The following CFAP299 variants were observed in gnomAD, a reference collection of about 807,000 sequenced individuals.
CFAP299 encodes cilia- and flagella-associated protein 299.
In CFAP299, 21 loss-of-function variants were observed where a neutral mutation model predicts 27.0. The observed-to-expected ratio is 0.78, with a 90% CI of 0.55 to 1.12. CFAP299 has a LOEUF of 1.12. Ranked by LOEUF, CFAP299 falls within the 50% of genes most tolerant of loss-of-function variation. The pLI is 0.00. For synonymous variants in CFAP299, 104 were observed against 98.1 expected, an observed-to-expected ratio of 1.06 and a Z score of -0.36; for missense variants, 310 against 276.6, an observed-to-expected ratio of 1.12 and a Z score of -0.86.
At chr4:80,347,129 C>T (rs942990982) in intron 1 of CFAP299, among the ~76,000 whole-genome samples, 35 of 152,170 alleles carry the variant, frequency 2.3e-4, no homozygotes, top group Middle Eastern at 3.4e-3. Flanking sequence ...ATTTTGTATC[C>T]TGAGACTTTG....
intron 2 of CFAP299, among the ~76,000 whole-genome samples, chr4:80,516,024 T>C (rs568578161): frequency 3.4e-5 from 5 of 149,096 alleles, no homozygotes; most frequent in African/African-American, 9.8e-5. Context: ...TTTCTTTTTT[T>C]TTTTTTTTTT....
intron 3 of CFAP299, among the ~76,000 whole-genome samples, chr4:80,718,022 T>G (rs1722589962): frequency 6.6e-6 from 1 of 152,114 alleles, no homozygotes; most frequent in South Asian, 2.1e-4. Context: ...GTAATAATAA[T>G]GTCCTACTAA....
At chr4:80,755,915 G>A (rs1725211129) in intron 3 of CFAP299, among the ~76,000 whole-genome samples, 1 of 152,074 alleles carries the variant, frequency 6.6e-6, no homozygotes, top group South Asian at 2.1e-4. Flanking sequence ...AAATATTTGA[G>A]AGCTATAATA....
intron 2 of CFAP299, among the ~76,000 whole-genome samples, chr4:80,444,844 C>G (rs1410209080): frequency 6.6e-6 from 1 of 151,900 alleles, no homozygotes; most frequent in Non-Finnish European, 1.5e-5. Context: ...AAAAAACAAC[C>G]CCATCAACAA....
chr4:80,775,063 T>TA lies in CFAP299; in HGVS notation c.334-94923dup, dbSNP rs1405653843. On this transcript the variant is annotated intron_variant, in intron 3 of 5. Transcript: ENST00000358105. ...TAAAACTTAAAGTATAATAATAAAATAAAAAAATAAAAAAAAAAGAAAAAG... is the reference window on the plus strand; with the variant it reads ...TAAAACTTAAAGTATAATAATAAAATAAAAAAAATAAAAAAAAAAGAAAAAG... Among the ~76,000 whole-genome samples, 5 of 135,794 alleles carry TA rather than the reference T, an allele frequency of 3.7e-5. No individual in the cohort carries two copies. The East Asian group carries it at 6.1e-4, about 17-fold the overall frequency. 89.1% of individuals were successfully genotyped at this position (135,794 alleles called of 152,430 possible). A position where few individuals can be genotyped will look rare whatever the true frequency, so the allele number is the denominator to read the frequency against.
chr4:80,590,259 T>A (rs545508376), intron 3 of CFAP299, among the ~76,000 whole-genome samples: 1 of 152,360 alleles, frequency 6.6e-6, no homozygotes, highest in East Asian at 1.9e-4. Flanking sequence ...TTTCCTTATC[T>A]GTAAATTGGA....
intron 4 of CFAP299, among the ~76,000 whole-genome samples, chr4:80,910,604 T>C (rs1263517526): frequency 2.0e-5 from 3 of 152,048 alleles, no homozygotes; most frequent in Admixed American, 1.3e-4. Context: ...TTCTAACTTA[T>C]AAATGGGAGC....
intron 2 of CFAP299, among the ~76,000 whole-genome samples, chr4:80,508,762 T>TTTTAA (rs1732153764): frequency 6.6e-6 from 1 of 152,150 alleles, no homozygotes; most frequent in Non-Finnish European, 1.5e-5. Context: ...CCCACCATAA[T>TTTTAA]GTCCAGACTG....
Position 80,594,507 on chromosome 4 carries a change from A to G in CFAP299, c.333+11324A>G, listed in dbSNP as rs192661164. Among the ~76,000 whole-genome samples, 6 of 151,938 alleles carry G rather than the reference A, an allele frequency of 3.9e-5. No individual in the cohort carries two copies. The East Asian group carries it at 9.7e-4, about 25-fold the overall frequency. On this transcript the variant is annotated intron_variant, in intron 3 of 5. Coordinates refer to ENST00000358105, the MANE Select transcript of CFAP299 (RefSeq NM_152770.3). Reference sequence around the variant, plus strand: ...TGAATAGGCATATCATTAGTTTTTTATTTTTCTTTCCTCCTTGCCCTTTCT... The same window carrying G: ...TGAATAGGCATATCATTAGTTTTTTGTTTTTCTTTCCTCCTTGCCCTTTCT...
intron 3 of CFAP299, among the ~76,000 whole-genome samples, chr4:80,858,003 T>C (rs1213879197): frequency 1.3e-5 from 2 of 152,154 alleles, no homozygotes; most frequent in African/African-American, 4.8e-5. Context: ...TCCTTGTACC[T>C]CTGGTAGAAT....
At chr4:80,689,521 C>T (rs1277517188) in intron 3 of CFAP299, among the ~76,000 whole-genome samples, 3 of 152,170 alleles carry the variant, frequency 2.0e-5, no homozygotes, top group Non-Finnish European at 4.4e-5. Flanking sequence ...CAGGCCTGCC[C>T]TACAAGAGCT....
At chr4:80,359,260 T>C (rs1723426378) in intron 1 of CFAP299, among the ~76,000 whole-genome samples, 1 of 152,182 alleles carries the variant, frequency 6.6e-6, no homozygotes, top group Non-Finnish European at 1.5e-5. Context: ...CAGTTTTTCT[T>C]TCATTTTAAT....
chr4:80,713,590 C>T (rs1434113002), intron 3 of CFAP299, among the ~76,000 whole-genome samples: 1 of 152,170 alleles, frequency 6.6e-6, no homozygotes, highest in African/African-American at 2.4e-5. Flanking sequence ...AGGCATTCTG[C>T]CAAGCACTTT....
intron 3 of CFAP299, among the ~76,000 whole-genome samples, chr4:80,838,564 G>C (rs1438028642): frequency 1.3e-5 from 2 of 152,106 alleles, no homozygotes; most frequent in Non-Finnish European, 2.9e-5. Context: ...TCAAAGATTA[G>C]ATGGTTATAG....
chr4:80,336,122 ACT>A (rs1560517913), intron 1 of CFAP299, among the ~76,000 whole-genome samples: 1 of 152,098 alleles, frequency 6.6e-6, no homozygotes, highest in African/African-American at 2.4e-5. Context: ...GCGCGGGCAC[ACT>A]CACACTGGGG....
intron 3 of CFAP299, among the ~76,000 whole-genome samples, chr4:80,804,209 C>A (rs1728751042): frequency 6.6e-6 from 1 of 152,100 alleles, no homozygotes; most frequent in Non-Finnish European, 1.5e-5. Flanking sequence ...CAATGTACAA[C>A]CATCACCATC....
Position 80,655,022 on chromosome 4 carries a change from A to G in CFAP299, c.333+71839A>G, listed in dbSNP as rs181455902. ...TAGTCTCTTTAGTCAGACCCACAAA[A>G]TGTAATATTTTAATAAAAGACATTA... On this transcript the variant is annotated intron_variant, in intron 3 of 5. Transcript: ENST00000358105. Among the ~76,000 whole-genome samples the G allele has an allele frequency of 5.0e-3, 767 of 152,216 alleles. 5 individuals carry two copies. Among genetic ancestry groups the G allele is most frequent in the Middle Eastern group, 0.02 (6 of 294 alleles).
At chr4:80,841,125 C>A (rs1266747764) in intron 3 of CFAP299, among the ~76,000 whole-genome samples, 2 of 152,078 alleles carry the variant, frequency 1.3e-5, no homozygotes, top group African/African-American at 2.4e-5. Context: ...CACACAGTAA[C>A]AATAAGCACT....
At chr4:80,687,978 C>T (rs1720335261) in intron 3 of CFAP299, among the ~76,000 whole-genome samples, 1 of 152,182 alleles carries the variant, frequency 6.6e-6, no homozygotes, top group Non-Finnish European at 1.5e-5. Context: ...TGCGCTTTTC[C>T]GAAGGGCTTA....
Sources: gnomAD v4.1 joint callset for allele counts (sites outside exome capture counted in the v4.1 genomes callset) on GRCh38, gnomAD v4.1.1 for gene constraint, MANE v1.5 for transcripts, NCBI Gene and HGNC (gene_info 2026-07-23, HGNC 2026-07-21) for gene names.